The following EIF3E variants were observed in gnomAD, a reference collection of about 807,000 sequenced individuals.
EIF3E encodes the protein eukaryotic translation initiation factor 3 subunit E.
Under a neutral mutation model 59.3 loss-of-function variants are expected in EIF3E, and 25 were observed. The ratio of observed to expected loss-of-function variants is 0.42; its 90% CI spans 0.31 to 0.59. The LOEUF (loss-of-function observed/expected upper bound fraction) is 0.59, where lower values mean the gene tolerates loss of function less well. Among genes scored for constraint, EIF3E ranks in the 20% least tolerant of loss-of-function variants. EIF3E has a pLI of 0.15. For missense variants in EIF3E, 317 were observed against 534.3 expected (o/e 0.59, Z 4.01); for synonymous variants, 176 against 170.2 (o/e 1.03, Z -0.26).
chr8:108,232,535 A>T (rs1439247586), intron 5 of EIF3E, among the ~76,000 whole-genome samples: 2 of 152,204 alleles, frequency 1.3e-5, no homozygotes, highest in Non-Finnish European at 2.9e-5. Flanking sequence ...AAAAATAAAC[A>T]TAAAAATTCA....
At chr8:108,232,674 G>A (rs1015945488) in intron 5 of EIF3E, among the ~76,000 whole-genome samples, 1 of 152,140 alleles carries the variant, frequency 6.6e-6, no homozygotes, top group Non-Finnish European at 1.5e-5. Context: ...TTTTGTAGCA[G>A]TGTAGCAAGT....
Position 108,216,461 on chromosome 8 carries a change from A to G in EIF3E, c.902T>C (p.Val301Ala). ...CTGAGCCCCATCAAAGTCAAAGTTAACATATAAACATTCAACAAATTCTGT... is the reference window on the plus strand; with the variant it reads ...CTGAGCCCCATCAAAGTCAAAGTTAGCATATAAACATTCAACAAATTCTGT... Reference protein sequence around the residue: ...PITEFVECLYVNFDFDGAQKK... With the variant: ...PITEFVECLYANFDFDGAQKK... Residue 301 changes from valine (V) to alanine (A), a missense_variant, in exon 9 of 13, where the codon GTT becomes GCT. Val to Ala is a moderately conservative substitution (Grantham distance 64). Coordinates refer to ENST00000220849, the MANE Select transcript of EIF3E (RefSeq NM_001568.3). The G allele has an allele frequency of 1.9e-6, 3 of 1,610,384 alleles. No individual in the cohort carries two copies. Among genetic ancestry groups the G allele is most frequent in the Non-Finnish European group, 2.5e-6 (3 of 1,178,828 alleles).
In EIF3E at chr8:108,235,056, TG is replaced by T. The variant is rs757720051; in HGVS notation, c.412del (p.Gln138SerfsTer29). The T allele has an allele frequency of 1.2e-6, 2 of 1,603,432 alleles. No homozygotes were observed. The highest frequency in any genetic ancestry group is 1.7e-6 in the Non-Finnish European group (2 of 1,176,478). Reference sequence around the variant, plus strand: ...TCCTGAGTAATTCCCACATTCGTACTGGAATTTTGCATATCTGTAGAGTGTA... The same window carrying T: ...TCCTGAGTAATTCCCACATTCGTACTGAATTTTGCATATCTGTAGAGTGTA... ...LDTLYRYAKF[Q>X]YECGNYSGAA... On this transcript the variant is annotated frameshift_variant, in exon 5 of 13. Transcript: ENST00000220849. LOFTEE classifies it high-confidence loss of function.
rs1814995303 is a variant in EIF3E at position 108,201,467 on chromosome 8, A to C, written c.*418T>G. The C allele has an allele frequency of 6.6e-6, 1 of 152,610 alleles. No individual in the cohort carries two copies. 9.5% of individuals were successfully genotyped at this position (152,610 alleles called of 1,614,324 possible). Reference sequence around the variant, plus strand: ...ACAAAAAGGTAGCATGAGGGAGATCATGATGATAGTTCTCTATCTTGGCTG... The same window carrying C: ...ACAAAAAGGTAGCATGAGGGAGATCCTGATGATAGTTCTCTATCTTGGCTG... On this transcript the variant is annotated 3_prime_UTR_variant, in exon 13 of 13. Coordinates refer to ENST00000220849, the MANE Select transcript of EIF3E (RefSeq NM_001568.3).
At chr8:108,247,927 T>TAAG (rs1354025590) in intron 1 of EIF3E, among the ~76,000 whole-genome samples, 11 of 148,750 alleles carry the variant, frequency 7.4e-5, no homozygotes, top group Admixed American at 1.4e-4. Flanking sequence ...CATGATATCT[T>TAAG]GAGTAGATAA....
At chr8:108,232,194 G>T (rs1448814146) in intron 5 of EIF3E, among the ~76,000 whole-genome samples, 3 of 152,088 alleles carry the variant, frequency 2.0e-5, no homozygotes, top group Non-Finnish European at 4.4e-5. Flanking sequence ...AAAAGAAAAA[G>T]ATATCTATTC....
chr8:108,223,411 A>G (rs1815457238), intron 7 of EIF3E, among the ~76,000 whole-genome samples: 1 of 152,194 alleles, frequency 6.6e-6, no homozygotes, highest in South Asian at 2.1e-4. Flanking sequence ...TGCACGACAA[A>G]GAGTTTTTTT....
intron 7 of EIF3E, among the ~76,000 whole-genome samples, chr8:108,226,510 C>A (rs1019722609): frequency 7.9e-5 from 12 of 152,218 alleles, no homozygotes; most frequent in African/African-American, 2.6e-4. Flanking sequence ...TTCAATAATT[C>A]TTAACAGTGT....
intron 1 of EIF3E, among the ~76,000 whole-genome samples, chr8:108,248,215 G>A (rs1361252375): frequency 6.6e-6 from 1 of 152,136 alleles, no homozygotes. Flanking sequence ...CCAAGCCCAG[G>A]CTTCCCACAG....
rs529147851 is a variant in EIF3E at position 108,241,453 on chromosome 8, A to G, written c.205+346T>C. 7.9e-5 allele frequency among the ~76,000 whole-genome samples: 12 copies of G among 152,214 alleles called. 1 individual carries two copies. The South Asian group carries it at 2.5e-3, about 32-fold the overall frequency. On this transcript the variant is annotated intron_variant, in intron 2 of 12. Coordinates refer to ENST00000220849, the MANE Select transcript of EIF3E (RefSeq NM_001568.3). The stretch of plus-strand genomic sequence containing the variant: ...CCTCAAAATTAAAAAAAAAAACACA[A>G]AACTCTAAGGCACACAATGCACTAA...
chr8:108,232,234 T>C (rs910619340), intron 5 of EIF3E, among the ~76,000 whole-genome samples: 3 of 152,162 alleles, frequency 2.0e-5, no homozygotes, highest in Admixed American at 2.0e-4. Context: ...AGCCTGCCAA[T>C]ATGCCAACAG....
intron 1 of EIF3E, among the ~76,000 whole-genome samples, chr8:108,246,166 C>T (rs1443612198): frequency 6.6e-6 from 1 of 151,952 alleles, no homozygotes; most frequent in African/African-American, 2.4e-5. Flanking sequence ...TTTCATCCTA[C>T]TACCCAGAAG....
At chr8:108,247,600 G>C (rs1165143914) in intron 1 of EIF3E, among the ~76,000 whole-genome samples, 1 of 152,166 alleles carries the variant, frequency 6.6e-6, no homozygotes, top group Non-Finnish European at 1.5e-5. Flanking sequence ...CACAACACCT[G>C]GACGCTGGTT....
intron 7 of EIF3E, among the ~76,000 whole-genome samples, chr8:108,224,000 G>A (rs746470483): frequency 1.3e-4 from 19 of 150,918 alleles, no homozygotes; most frequent in African/African-American, 4.7e-4. Context: ...GGCGGGTCAC[G>A]AGGTCAGGAG....
intron 12 of EIF3E, 32 bp downstream of exon 12, chr8:108,202,951 C>G: frequency 1.9e-6 from 3 of 1,596,980 alleles, no homozygotes; most frequent in Non-Finnish European, 2.6e-6. Context: ...GTTGCTAAAC[C>G]CCAGACAGAA....
At position 108,228,378 on chromosome 8, in the gene EIF3E, G is replaced by A; in HGVS notation, c.611C>T (p.Pro204Leu). Residue 204 changes from proline (P) to leucine (L), a missense_variant, in exon 7 of 13, where the codon CCA (proline) becomes CTA (leucine). This residue lies in a region of EIF3E where 242 missense variants were observed against 398.0 expected (regional missense o/e 0.61). Coordinates refer to ENST00000220849, the MANE Select transcript of EIF3E (RefSeq NM_001568.3). ...TGTTCTCTGCTGAAGAGACTGAAGT[G>A]GAGAACTCACAGACTAAAGGATTTA... ...ETIDNNSVSS[P>L]LQSLQQRTWL... The A allele has an allele frequency of 6.5e-7, 1 of 1,550,342 alleles. No individual in the cohort carries two copies. The highest frequency in any genetic ancestry group is 2.1e-4 in the Middle Eastern group (1 of 4,832).
intron 10 of EIF3E, among the ~76,000 whole-genome samples, chr8:108,211,856 A>C (rs1235256444): frequency 1.3e-5 from 2 of 152,224 alleles, no homozygotes; most frequent in Admixed American, 6.5e-5. Context: ...GGAGTTTATA[A>C]AACAAACTCT....
intron 5 of EIF3E, among the ~76,000 whole-genome samples, chr8:108,230,429 A>C (rs1196009214): frequency 6.6e-6 from 1 of 152,198 alleles, no homozygotes; most frequent in African/African-American, 2.4e-5. Flanking sequence ...CATCGCAGAG[A>C]TAGGTATACA....
At chr8:108,217,109 T>C (rs1204742981) in intron 8 of EIF3E, among the ~76,000 whole-genome samples, 2 of 152,194 alleles carry the variant, frequency 1.3e-5, no homozygotes, top group East Asian at 1.9e-4. Flanking sequence ...AGTGTTCATC[T>C]AGCAGACAGT....
Sources: gnomAD v4.1 joint callset for allele counts (sites outside exome capture counted in the v4.1 genomes callset) on GRCh38, gnomAD v4.1.1 for gene constraint, gnomAD v4.1.1 regional missense constraint, MANE v1.5 for transcripts, NCBI Gene and HGNC (gene_info 2026-07-23, HGNC 2026-07-21) for gene names.